The following CSMD2 variants were observed in gnomAD, a reference collection of about 807,000 sequenced individuals.
The protein encoded by CSMD2 is CUB and Sushi multiple domains 2.
Under a neutral mutation model 398.5 loss-of-function variants are expected in CSMD2, and 130 were observed. The ratio of observed to expected loss-of-function variants is 0.33; its 90% CI spans 0.28 to 0.38. The LOEUF is 0.38. Ranked by LOEUF, CSMD2 falls within the 10% of genes least tolerant of loss-of-function variation. The pLI, the probability that CSMD2 is intolerant of heterozygous loss-of-function variation, is 1.00. For synonymous variants in CSMD2, 1,828 were observed against 1,908.5 expected, an observed-to-expected ratio of 0.96 and a Z score of 1.10; for missense variants, 3,829 against 4,764.9, an observed-to-expected ratio of 0.80 and a Z score of 5.78.
At chr1:33,536,505 G>T (rs941969594) in intron 62 of CSMD2, among the ~76,000 whole-genome samples, 1 of 152,228 alleles carries the variant, frequency 6.6e-6, no homozygotes, top group African/African-American at 2.4e-5. Context: ...TTACAGGCGT[G>T]AGCCACCGCA....
Position 33,716,230 on chromosome 1 carries a change from G to A in CSMD2, c.3217+56C>T, listed in dbSNP as rs7533254. 7,597 of 1,408,364 alleles carry A rather than the reference G, an allele frequency of 5.4e-3. 288 individuals carry two copies. The African/African-American group carries it at 0.088, about 16-fold the overall frequency. 87.2% of individuals were successfully genotyped at this position (1,408,364 alleles called of 1,614,324 possible). On this transcript the variant is annotated intron_variant, in intron 20 of 70. Coordinates refer to ENST00000373381, the MANE Select transcript of CSMD2 (RefSeq NM_001281956.2). ...GGAAAACCAGAGACTGGTAGCAGAA[G>A]GAGAGAGCAAATAGCACCATGGTCT...
chr1:33,569,049 G>A (rs5007951), intron 52 of CSMD2, among the ~76,000 whole-genome samples: 32,344 of 152,100 alleles, frequency 0.21, 3,555 homozygotes, highest in South Asian at 0.26. Context: ...ACAGGAATGC[G>A]TCTGCAAATT....
At chr1:33,614,307 C>A (rs1471826521) in intron 40 of CSMD2, among the ~76,000 whole-genome samples, 197 bp downstream of exon 40, 3 of 152,020 alleles carry the variant, frequency 2.0e-5, no homozygotes, top group Non-Finnish European at 4.4e-5. Context: ...AGATTTTTCT[C>A]CCCCCTATAT....
At position 33,541,329 on chromosome 1, in the gene CSMD2, G is replaced by A. The variant is rs137907895; in HGVS notation, c.9278-20C>T. The A allele has an allele frequency of 4.4e-6, 7 of 1,606,918 alleles. No homozygotes were observed. The highest frequency in any genetic ancestry group is 5.1e-6 in the Non-Finnish European group (6 of 1,174,064). ...TTATGACTAGGATAAGAGAGATATA[G>A]CATTGTTCACTCCTGGCCAGGACCC... On this transcript the variant is annotated intron_variant, in intron 58 of 70. Coordinates refer to ENST00000373381, the MANE Select transcript of CSMD2 (RefSeq NM_001281956.2).
At chr1:33,625,004 T>G in intron 34 of CSMD2, 47 bp downstream of exon 34, 1 of 1,578,218 alleles carries the variant, frequency 6.3e-7, no homozygotes, top group East Asian at 2.2e-5. Flanking sequence ...GAGAAAGGAC[T>G]ACGTGCCGCC....
Position 33,533,147 on chromosome 1 carries a change from G to A in CSMD2, c.10074C>T (p.Ile3358=). The change falls in exon 64 of 71, where the codon ATC becomes ATT. Residue 3358 remains isoleucine, a synonymous_variant. Transcript: ENST00000373381. The surrounding 1 kb of genome is among the most constrained non-coding windows in gnomAD (Gnocchi z 4.2). ...LDLPSMGYTL[I]YSCQEGFSLK... ...GGGAGAAGCCCTCCTGGCAGGAGTA[G>A]ATGAGCGTGTAGCCCATGGAGGGCA... 6.2e-7 allele frequency: 1 copy of A among 1,614,112 alleles called. No individual in the cohort carries two copies. The highest frequency in any genetic ancestry group is 2.2e-5 in the East Asian group (1 of 44,882).
chr1:33,796,832 T>C (rs1285872582), intron 10 of CSMD2, among the ~76,000 whole-genome samples: 2 of 152,162 alleles, frequency 1.3e-5, no homozygotes, highest in African/African-American at 4.8e-5. Context: ...ACAAGGAATA[T>C]TAATAATTAA....
At chr1:33,580,324 A>G (rs1224922199) in intron 48 of CSMD2, among the ~76,000 whole-genome samples, 2 of 152,172 alleles carry the variant, frequency 1.3e-5, no homozygotes, top group Non-Finnish European at 2.9e-5. Flanking sequence ...TGGCCTTTTG[A>G]TCTGACTCTG....
At chr1:33,760,400 T>C (rs553150) in intron 13 of CSMD2, among the ~76,000 whole-genome samples, 1 of 152,038 alleles carries the variant, frequency 6.6e-6, no homozygotes, top group Non-Finnish European at 1.5e-5. Flanking sequence ...TCCTGCCCTA[T>C]GCTACTGGGA....
In CSMD2 at chr1:33,819,809, T is replaced by A; in HGVS notation, c.1228A>T (p.Asn410Tyr). 6.2e-7 allele frequency: 1 copy of A among 1,614,150 alleles called. No individual in the cohort carries two copies. Among genetic ancestry groups the A allele is most frequent in the Non-Finnish European group, 8.5e-7 (1 of 1,179,996 alleles). ...GACCCTTGCAGGTCATAGCCCTCGTTGCAGGTGAACTGGACGCTGGATCCT... is the reference window on the plus strand; with the variant it reads ...GACCCTTGCAGGTCATAGCCCTCGTAGCAGGTGAACTGGACGCTGGATCCT... The part of the protein sequence containing the change: ...RLGSSVQFTC[N>Y]EGYDLQGSKR... Residue 410 changes from asparagine to tyrosine, a missense_variant, in exon 9 of 71, where the codon AAC (asparagine) becomes TAC (tyrosine). Coordinates refer to ENST00000373381, the MANE Select transcript of CSMD2 (RefSeq NM_001281956.2).
At chr1:33,737,741 T>C (rs548650127) in intron 15 of CSMD2, among the ~76,000 whole-genome samples, 2 of 152,286 alleles carry the variant, frequency 1.3e-5, no homozygotes, top group South Asian at 4.1e-4. Flanking sequence ...CGGTGACTCA[T>C]CAACCAGTAT....
At chr1:33,681,343 T>C (rs772209118) in intron 25 of CSMD2, among the ~76,000 whole-genome samples, 2 of 152,220 alleles carry the variant, frequency 1.3e-5, no homozygotes, top group Non-Finnish European at 2.9e-5. Flanking sequence ...TGGGTGGTTT[T>C]CTTTAAGCAT....
At chr1:33,813,492 T>A (rs1329036752) in intron 9 of CSMD2, among the ~76,000 whole-genome samples, 1 of 152,074 alleles carries the variant, frequency 6.6e-6, no homozygotes, top group Non-Finnish European at 1.5e-5. Flanking sequence ...AATGAACATA[T>A]CATTTTGTTT....
At chr1:33,561,720 C>T (rs1367061498) in intron 53 of CSMD2, among the ~76,000 whole-genome samples, 1 of 152,068 alleles carries the variant, frequency 6.6e-6, no homozygotes, top group Non-Finnish European at 1.5e-5. Flanking sequence ...AAAGAGGGTC[C>T]CACAGGGAGT....
intron 5 of CSMD2, among the ~76,000 whole-genome samples, chr1:33,855,532 C>G (rs1570280267): frequency 6.6e-6 from 1 of 152,148 alleles, no homozygotes; most frequent in African/African-American, 2.4e-5. Flanking sequence ...GCCCTTATTA[C>G]TTTTATATGA....
chr1:33,592,567 T>C, intron 44 of CSMD2: 1 of 710,312 alleles, frequency 1.4e-6, no homozygotes, highest in South Asian at 1.5e-5. Context: ...AATCATATTG[T>C]GTTAAGGTTT....
rs186594778 is a variant in CSMD2, at chr1:33,739,248, A to T, written c.2260T>A (p.Ser754Thr). 16 of 1,614,170 alleles carry T rather than the reference A, an allele frequency of 9.9e-6. No homozygotes were observed. In the Admixed American group the frequency reaches 2.0e-4, roughly 20 times the overall value. ...AGGAAGCCTTCATCACAGAGGAAGG[A>T]GATGGAGCTGCCCAGCTGGAGGCTG... ...GDSLQLGSSISFLCDEGFLGT... is the reference protein window; with the variant it reads ...GDSLQLGSSITFLCDEGFLGT... The change falls in exon 15 of 71, where the codon TCC becomes ACC. Residue 754 changes from serine to threonine, a missense_variant. Coordinates refer to ENST00000373381, the MANE Select transcript of CSMD2 (RefSeq NM_001281956.2).
intron 1 of CSMD2, among the ~76,000 whole-genome samples, chr1:34,159,884 C>T (rs561057610): frequency 7.7e-4 from 117 of 152,276 alleles, no homozygotes; most frequent in Non-Finnish European, 1.3e-3. Flanking sequence ...TAGGCACATT[C>T]GATGAGGTAT....
chr1:33,671,486 C>T (rs1284326724), intron 25 of CSMD2, among the ~76,000 whole-genome samples: 2 of 152,054 alleles, frequency 1.3e-5, no homozygotes, highest in Non-Finnish European at 2.9e-5. Context: ...TTGCTGGCTG[C>T]AGGGACACCC....
Sources: allele counts gnomAD v4.1 joint callset (sites outside exome capture counted in the v4.1 genomes callset), GRCh38; gene constraint gnomAD v4.1.1; non-coding constraint Gnocchi (gnomAD v3.1); transcripts MANE v1.5; gene names NCBI Gene and HGNC (gene_info 2026-07-23, HGNC 2026-07-21).